The following CMTM4 variants were observed in gnomAD, a reference collection of about 807,000 sequenced individuals.
CMTM4 encodes CKLF-like MARVEL transmembrane domain-containing protein 4.
A neutral mutation model predicts 19.0 loss-of-function variants in CMTM4; 8 were observed. That is an observed-to-expected ratio of 0.42 (90% CI 0.25 to 0.76). The LOEUF is 0.76. Among genes scored for constraint, CMTM4 ranks in the 30% least tolerant of loss-of-function variants. The probability of loss-of-function intolerance (pLI) is 0.27; values close to 1 mark genes in which losing one functional copy is unlikely to be tolerated. For synonymous variants in CMTM4, 106 were observed against 121.1 expected, an observed-to-expected ratio of 0.88 and a Z score of 0.82; for missense variants, 228 against 290.2, an observed-to-expected ratio of 0.79 and a Z score of 1.56.
intron 1 of CMTM4, among the ~76,000 whole-genome samples, chr16:66,642,209 T>G (rs924749703): frequency 1.3e-5 from 2 of 152,162 alleles, no homozygotes; most frequent in Non-Finnish European, 2.9e-5. Context: ...AGCCAACAAC[T>G]TCAAGGGAAC....
intron 2 of CMTM4, among the ~76,000 whole-genome samples, chr16:66,633,497 G>A (rs1375754226): frequency 6.6e-6 from 1 of 152,086 alleles, no homozygotes; most frequent in Non-Finnish European, 1.5e-5. Flanking sequence ...CCCTCTCAGA[G>A]AACACTGGAC....
chr16:66,659,016 C>G (rs2016453495), intron 1 of CMTM4, among the ~76,000 whole-genome samples: 1 of 152,084 alleles, frequency 6.6e-6, no homozygotes, highest in South Asian at 2.1e-4. Flanking sequence ...CACCCCCAAC[C>G]CCATCCCACA....
chr16:66,684,919 C>G (rs942133283), intron 1 of CMTM4, among the ~76,000 whole-genome samples: 2 of 152,184 alleles, frequency 1.3e-5, no homozygotes, highest in Non-Finnish European at 2.9e-5. Context: ...CAGTCTATAT[C>G]CTTCCTCCTT....
intron 1 of CMTM4, among the ~76,000 whole-genome samples, chr16:66,657,938 T>C (rs58179038): frequency 7.9e-4 from 120 of 152,246 alleles, no homozygotes; most frequent in African/African-American, 2.5e-3. Flanking sequence ...TAGAAAATCA[T>C]TGGCCAGGCT....
intron 1 of CMTM4, among the ~76,000 whole-genome samples, chr16:66,690,702 T>C (rs990919548): frequency 2.0e-5 from 3 of 152,186 alleles, no homozygotes; most frequent in African/African-American, 7.2e-5. Context: ...TCTTAATTCT[T>C]ACAATTCCTA....
chr16:66,630,642 C>T (rs1191706691), intron 2 of CMTM4, among the ~76,000 whole-genome samples: 1 of 152,066 alleles, frequency 6.6e-6, no homozygotes, highest in Non-Finnish European at 1.5e-5. Context: ...ACTCAGTGCT[C>T]AATGGTGCCC....
chr16:66,686,145 C>T (rs1229893970), intron 1 of CMTM4, among the ~76,000 whole-genome samples: 3 of 151,250 alleles, frequency 2.0e-5, no homozygotes, highest in African/African-American at 4.9e-5. Context: ...CCCAGCTACT[C>T]GGGGAGTCTG....
At chr16:66,608,641 T>G in the CMTM4 span, among the ~76,000 whole-genome samples, 3 of 152,182 alleles carry the variant, frequency 2.0e-5, no homozygotes, top group Non-Finnish European at 2.9e-5. This position sits in a 1 kb window ranked among gnomAD's most constrained non-coding sequence, Gnocchi z 5.1. Flanking sequence ...TCAGCAGCCC[T>G]GTGACCTCAA....
At chr16:66,604,534 C>T in the CMTM4 span, 1 of 283,672 alleles carries the variant, frequency 3.5e-6, no homozygotes. Flanking sequence ...CTCCAGCGGC[C>T]CGAACCAGGG....
intron 1 of CMTM4, among the ~76,000 whole-genome samples, chr16:66,686,030 G>A (rs906975789): frequency 6.6e-6 from 1 of 151,644 alleles, no homozygotes; most frequent in Admixed American, 6.5e-5. Context: ...CAAGGCGGGT[G>A]GATCACGAGG....
rs901490885 is a variant in CMTM4, at chr16:66,619,419, A to G, written c.*2639T>C. Reference sequence around the variant, plus strand: ...AGTTTTGCTTTAAATGTGAAAACCAATATCGTCCCACCAGAACACTGAGAA... The same window carrying G: ...AGTTTTGCTTTAAATGTGAAAACCAGTATCGTCCCACCAGAACACTGAGAA... On this transcript the variant is annotated 3_prime_UTR_variant, in exon 4 of 4. Transcript: ENST00000394106. 1.0e-5 allele frequency: 10 copies of G among 985,344 alleles called. No homozygotes were observed. Among genetic ancestry groups the G allele is most frequent in the Middle Eastern group, 5.2e-4 (1 of 1,936 alleles). The allele number at this position is 985,344 out of a possible 1,614,324, so 61.0% of individuals were successfully genotyped here. A position where few individuals can be genotyped will look rare whatever the true frequency, so the allele number is the denominator to read the frequency against.
intron 1 of CMTM4, among the ~76,000 whole-genome samples, chr16:66,651,150 T>A (rs1202854542): frequency 6.6e-6 from 1 of 152,140 alleles, no homozygotes; most frequent in Non-Finnish European, 1.5e-5. Flanking sequence ...AAGCAGGGAC[T>A]GTGCTTCCGA....
intron 1 of CMTM4, among the ~76,000 whole-genome samples, chr16:66,660,751 TG>T (rs777930775): frequency 6.6e-6 from 1 of 152,248 alleles, no homozygotes; most frequent in Non-Finnish European, 1.5e-5. Flanking sequence ...CAAGCTGCTC[TG>T]GGAAGCCTTT....
chr16:66,601,192 G>A, the CMTM4 span, among the ~76,000 whole-genome samples: 3 of 151,892 alleles, frequency 2.0e-5, 1 homozygote, highest in South Asian at 4.2e-4. Flanking sequence ...TTAATTTTCT[G>A]GTTGGAAACC....
chr16:66,684,757 C>T (rs923518151), intron 1 of CMTM4, among the ~76,000 whole-genome samples: 1 of 152,222 alleles, frequency 6.6e-6, no homozygotes, highest in Admixed American at 6.5e-5. Flanking sequence ...TGAGCTTGAG[C>T]CCTTCTACTT....
chr16:66,694,861 G>A (rs1253115074), intron 1 of CMTM4, among the ~76,000 whole-genome samples: 1 of 151,954 alleles, frequency 6.6e-6, no homozygotes, highest in African/African-American at 2.4e-5. Context: ...TCTGAAGACA[G>A]ATTATCTGAT....
chr16:66,642,726 AAACG>A (rs1462486174), intron 1 of CMTM4, among the ~76,000 whole-genome samples: 9 of 152,116 alleles, frequency 5.9e-5, no homozygotes, highest in Non-Finnish European at 1.0e-4. Flanking sequence ...CAAAACAAAC[AAACG>A]AACAAACAAA....
chr16:66,619,332 G>A lies in CMTM4; in HGVS notation c.*2726C>T, dbSNP rs2015584714. 3.0e-6 allele frequency: 3 copies of A among 985,254 alleles called. No homozygotes were observed. In the South Asian group the frequency reaches 1.4e-4, roughly 46 times the overall value. The allele number at this position is 985,254 out of a possible 1,614,324, so 61.0% of individuals were successfully genotyped here. On this transcript the variant is annotated 3_prime_UTR_variant, in exon 4 of 4. Transcript: ENST00000394106. The stretch of plus-strand genomic sequence containing the variant: ...CCAGAGGTTCCACCAAATGCTTGAG[G>A]GTTTCAGCTGTACAGTGTCCAGGAA...
At chr16:66,652,470 C>T (rs1445047007) in intron 1 of CMTM4, among the ~76,000 whole-genome samples, 4 of 152,190 alleles carry the variant, frequency 2.6e-5, no homozygotes, top group East Asian at 3.8e-4. Context: ...ATGTTTCAAG[C>T]GGGTTCTCTG....
Sources: allele counts gnomAD v4.1 joint callset (sites outside exome capture counted in the v4.1 genomes callset), GRCh38; gene constraint gnomAD v4.1.1; non-coding constraint Gnocchi (gnomAD v3.1); transcripts MANE v1.5; gene names NCBI Gene and HGNC (gene_info 2026-07-23, HGNC 2026-07-21).